The following EYS variants were observed in gnomAD, a reference collection of about 807,000 sequenced individuals.
EYS encodes EGF-like photoreceptor maintenance factor.
Under a neutral mutation model 282.1 loss-of-function variants are expected in EYS, and 250 were observed. That is an observed-to-expected ratio of 0.89 (90% CI 0.80 to 0.98). EYS has a LOEUF of 0.98. Ranked by LOEUF, EYS falls within the 50% of genes least tolerant of loss-of-function variation. The pLI is 0.00. For missense variants in EYS, 4,016 were observed against 3,709.0 expected (o/e 1.08, Z -2.15); for synonymous variants, 1,355 against 1,282.9 (o/e 1.06, Z -1.20).
chr6:64,577,932 A>G (rs753308496), intron 26 of EYS, among the ~76,000 whole-genome samples: 5 of 152,150 alleles, frequency 3.3e-5, no homozygotes, highest in Non-Finnish European at 5.9e-5. Context: ...GCTTCACAAA[A>G]TTGATTATCA....
At chr6:65,434,547 C>G (rs575704746) in intron 5 of EYS, among the ~76,000 whole-genome samples, 141 of 152,236 alleles carry the variant, frequency 9.3e-4, no homozygotes, top group Non-Finnish European at 1.8e-3. Context: ...GTTTCGATCT[C>G]CTCACCTTGT....
chr6:65,179,856 C>A (rs1460759962), intron 12 of EYS, among the ~76,000 whole-genome samples: 1 of 151,980 alleles, frequency 6.6e-6, no homozygotes, highest in Non-Finnish European at 1.5e-5. Context: ...AGCTTATCCA[C>A]CATGATCAAG....
At chr6:64,339,915 G>A (rs1181347775) in intron 29 of EYS, among the ~76,000 whole-genome samples, 1 of 151,574 alleles carries the variant, frequency 6.6e-6, no homozygotes, top group Non-Finnish European at 1.5e-5. Context: ...AAGGAGGTGG[G>A]CAAGGAATAC....
intron 26 of EYS, among the ~76,000 whole-genome samples, chr6:64,447,969 C>A (rs1402769259): frequency 1.3e-5 from 2 of 152,176 alleles, no homozygotes; most frequent in Non-Finnish European, 2.9e-5. Flanking sequence ...TCAAATCATG[C>A]CACTTCCCTG....
chr6:64,404,400 T>C (rs1304125730), intron 28 of EYS, among the ~76,000 whole-genome samples: 1 of 117,182 alleles, frequency 8.5e-6, no homozygotes, highest in Admixed American at 8.6e-5. Context: ...TGTGTGTGTG[T>C]GTGTGTGTGT....
In EYS at chr6:64,107,284, T is replaced by TA. The variant is rs1491163308; in HGVS notation, c.6425-25283_6425-25282insT. On this transcript the variant is annotated intron_variant, in intron 31 of 42. Coordinates refer to ENST00000503581, the MANE Select transcript of EYS (RefSeq NM_001142800.2). ...ATGTGTGTGTGTGTATATATATATA[T>TA]TTATATATATATATATATATATATA... Among the ~76,000 whole-genome samples the TA allele has an allele frequency of 1.1e-3, 105 of 93,252 alleles. 1 individual carries two copies. The highest frequency in any genetic ancestry group is 2.5e-3 in the East Asian group (7 of 2,844). 61.2% of individuals were successfully genotyped at this position (93,252 alleles called of 152,430 possible). A position where few individuals can be genotyped will look rare whatever the true frequency, so the allele number is the denominator to read the frequency against.
intron 1 of EYS, among the ~76,000 whole-genome samples, chr6:65,694,180 C>T (rs938823128): frequency 6.7e-6 from 1 of 150,076 alleles, no homozygotes; most frequent in African/African-American, 2.4e-5. Context: ...ATTGCTTGAA[C>T]CTGGGAAGCA....
intron 19 of EYS, among the ~76,000 whole-genome samples, chr6:64,879,722 A>G (rs570830797): frequency 6.6e-6 from 1 of 152,204 alleles, no homozygotes; most frequent in Non-Finnish European, 1.5e-5. Flanking sequence ...AATATTATTG[A>G]CAATGACTTC....
chr6:64,200,265 A>G (rs1375535722), intron 31 of EYS, among the ~76,000 whole-genome samples: 4 of 152,166 alleles, frequency 2.6e-5, no homozygotes, highest in African/African-American at 7.2e-5. Flanking sequence ...GACACGTGAC[A>G]TGATACATTT....
intron 1 of EYS, among the ~76,000 whole-genome samples, chr6:65,640,546 A>C (rs1378502489): frequency 6.6e-6 from 1 of 152,096 alleles, no homozygotes; most frequent in Non-Finnish European, 1.5e-5. Flanking sequence ...CTTCATCTTC[A>C]TTCTTGAAGG....
Position 65,582,838 on chromosome 6 carries a change from T to C in EYS, c.-333+56940A>G, listed in dbSNP as rs908006474. Among the ~76,000 whole-genome samples, 145 of 152,122 alleles carry C rather than the reference T, an allele frequency of 9.5e-4. 10 individuals carry two copies. The highest frequency in any genetic ancestry group is 1.8e-4 in the Non-Finnish European group (12 of 68,004). On this transcript the variant is annotated intron_variant, in intron 2 of 42. Coordinates refer to ENST00000503581, the MANE Select transcript of EYS (RefSeq NM_001142800.2). The stretch of plus-strand genomic sequence containing the variant: ...ACCTAAGAAATGTTATAATTATCCC[T>C]ATTTTATGGACATTTTTTGTTTTGT...
chr6:64,469,204 C>T (rs909824461), intron 26 of EYS, among the ~76,000 whole-genome samples: 3 of 152,178 alleles, frequency 2.0e-5, no homozygotes, highest in South Asian at 2.1e-4. Context: ...TGGTGTGAGA[C>T]GGTATCTTAT....
intron 22 of EYS, among the ~76,000 whole-genome samples, chr6:64,810,015 A>G (rs538164899): frequency 1.3e-5 from 2 of 152,126 alleles, no homozygotes; most frequent in Non-Finnish European, 2.9e-5. Context: ...AAAAAAATTC[A>G]TCAAAGAAAA....
rs534773818 is a variant in EYS, at chr6:64,547,190, A to G, written c.5644+43033T>C. ...AGCAGCAGCAAGATTTATTGCAAAG[A>G]GTGAAAGAACAAAGCTTCCACAGTG... On this transcript the variant is annotated intron_variant, in intron 26 of 42. Transcript: ENST00000503581. Among the ~76,000 whole-genome samples the G allele has an allele frequency of 1.4e-4, 22 of 152,226 alleles. No individual in the cohort carries two copies. The East Asian group carries it at 3.5e-3, about 24-fold the overall frequency.
chr6:64,873,704 A>C (rs1269476342), intron 19 of EYS, among the ~76,000 whole-genome samples: 3 of 151,490 alleles, frequency 2.0e-5, no homozygotes, highest in Admixed American at 1.3e-4. Flanking sequence ...CATTACAAAA[A>C]AAATTATCAG....
chr6:65,444,049 T>C (rs1446137176), intron 5 of EYS, among the ~76,000 whole-genome samples: 1 of 151,932 alleles, frequency 6.6e-6, no homozygotes, highest in Non-Finnish European at 1.5e-5. Context: ...GGTCCCTGTG[T>C]CTGTGTCTGA....
intron 2 of EYS, among the ~76,000 whole-genome samples, chr6:65,500,709 A>G (rs1018917779): frequency 1.3e-5 from 2 of 151,976 alleles, no homozygotes; most frequent in African/African-American, 4.8e-5. Context: ...ATCCTTTTTG[A>G]AGAAGAAATA....
chr6:64,717,830 T>A (rs149569540), intron 22 of EYS, among the ~76,000 whole-genome samples: 8 of 152,268 alleles, frequency 5.3e-5, no homozygotes, highest in Non-Finnish European at 1.2e-4. Context: ...AATGCTTATT[T>A]ATTGGGCCAC....
intron 19 of EYS, among the ~76,000 whole-genome samples, chr6:64,864,761 C>T (rs572002635): frequency 2.6e-5 from 4 of 151,794 alleles, no homozygotes; most frequent in Admixed American, 2.6e-4. Context: ...ATGGGGCAGG[C>T]GCAGTGGCTC....
Sources: allele counts gnomAD v4.1 joint callset (sites outside exome capture counted in the v4.1 genomes callset), GRCh38; gene constraint gnomAD v4.1.1; transcripts MANE v1.5; gene names NCBI Gene and HGNC (gene_info 2026-07-23, HGNC 2026-07-21).